ATP5PF: variants seen among roughly 807,000 people sequenced by gnomAD.
ATP5PF encodes ATP synthase peripheral stalk subunit F6, mitochondrial.
ATP5PF carries 7 observed loss-of-function variants against 12.0 expected under a neutral mutation model. The observed-to-expected ratio is 0.58, with a 90% confidence interval of 0.33 to 1.10. The LOEUF (loss-of-function observed/expected upper bound fraction) is 1.10, where lower values mean the gene tolerates loss of function less well. Ranked by LOEUF, ATP5PF falls within the 50% of genes least tolerant of loss-of-function variation. ATP5PF has a pLI of 0.03. For missense variants in ATP5PF, 120 were observed against 127.7 expected (o/e 0.94, Z 0.29); for synonymous variants, 41 against 45.4 (o/e 0.90, Z 0.39).
chr21:25,732,733 C>T (rs533686973), intron 1 of ATP5PF, among the ~76,000 whole-genome samples: 1 of 151,612 alleles, frequency 6.6e-6, no homozygotes, highest in South Asian at 2.1e-4. Context: ...TGTTGTAATC[C>T]CAGCACTTTG....
In ATP5PF at chr21:25,725,364, GA is replaced by G. The variant is rs755301218; in HGVS notation, c.165-15del. 2 of 1,560,302 alleles carry G rather than the reference GA, an allele frequency of 1.3e-6. No individual in the cohort carries two copies. The highest frequency in any genetic ancestry group is 1.7e-6 in the Non-Finnish European group (2 of 1,159,198). ...CCTCCAGATGTCCTGTTAAGTAAAT[GA>G]GCAAACAAAAATTAATTTTGTGTAC... On this transcript the variant is annotated splice_polypyrimidine_tract_variant and intron_variant, in intron 2 of 3. Coordinates refer to ENST00000284971, the MANE Select transcript of ATP5PF (RefSeq NM_001003703.2).
chr21:25,730,770 A>AAAAAAAAAAAAAAAAAT, intron 1 of ATP5PF, among the ~76,000 whole-genome samples: 1 of 141,768 alleles, frequency 7.1e-6, no homozygotes, highest in African/African-American at 2.7e-5. Context: ...AAAAAAAAAA[A>AAAAAAAAAAAAAAAAAT]AAAAAGACTT....
chr21:25,732,937 G>C (rs60361835), intron 1 of ATP5PF, among the ~76,000 whole-genome samples: 13,314 of 127,928 alleles, frequency 0.1, 774 homozygotes, highest in East Asian at 0.33. Context: ...AGCCGAGATC[G>C]CGCCACTGCA....
chr21:25,730,108 T>C lies in ATP5PF; in HGVS notation c.-7-307A>G, dbSNP rs1288909967. On this transcript the variant is annotated intron_variant, in intron 1 of 3. Coordinates refer to ENST00000284971, the MANE Select transcript of ATP5PF (RefSeq NM_001003703.2). ...CTTAGTCATGGATCAGAGAAAACAG[T>C]AGAGGTAGACTGTTGCAACACTGTC... Among the ~76,000 whole-genome samples, 8 of 152,244 alleles carry C rather than the reference T, an allele frequency of 5.3e-5. No individual in the cohort carries two copies. The East Asian group carries it at 1.4e-3, about 26-fold the overall frequency.
In ATP5PF at chr21:25,725,741, T is replaced by C. The variant is rs113572523; in HGVS notation, c.165-391A>G. Among the ~76,000 whole-genome samples, 21 of 152,220 alleles carry C rather than the reference T, an allele frequency of 1.4e-4. No homozygotes were observed. The East Asian group carries it at 3.1e-3, about 22-fold the overall frequency. ...GGCGTGAGCCACCACACCCGGCCAA[T>C]AGACCTTTTTAAAGCATTCATGTAG... On this transcript the variant is annotated intron_variant, in intron 2 of 3. Transcript: ENST00000284971.
intron 1 of ATP5PF, among the ~76,000 whole-genome samples, chr21:25,734,132 A>T (rs1454015787): frequency 2.6e-5 from 4 of 152,246 alleles, no homozygotes; most frequent in Admixed American, 6.5e-5. Flanking sequence ...ACTAAAACGC[A>T]GAAGATAGTC....
At chr21:25,724,777 T>A in intron 3 of ATP5PF, 100 bp from the exon 4 acceptor site, 5 of 1,187,350 alleles carry the variant, frequency 4.2e-6, no homozygotes, top group Non-Finnish European at 6.0e-6. Flanking sequence ...CTGATTTTTT[T>A]AGTAAACACT....
intron 2 of ATP5PF, among the ~76,000 whole-genome samples, chr21:25,727,017 CTCTG>C (rs753847280): frequency 5.6e-4 from 86 of 152,316 alleles, no homozygotes; most frequent in Non-Finnish European, 1.1e-3. Flanking sequence ...TAGAAACGCT[CTCTG>C]TCTGTGCTGT....
At chr21:25,724,748 G>A in intron 3 of ATP5PF, 71 bp from the exon 4 acceptor site, 4 of 1,448,148 alleles carry the variant, frequency 2.8e-6, no homozygotes, top group Non-Finnish European at 3.8e-6. Flanking sequence ...GAATGCTCAA[G>A]ATTTAACTCA....
chr21:25,735,159 C>T (rs573839876), upstream of ATP5PF: 32 of 639,074 alleles, frequency 5.0e-5, no homozygotes, highest in South Asian at 8.9e-5. Flanking sequence ...TGAAACCTTG[C>T]TCTGTACGCA....
chr21:25,735,408 G>C (rs911227378), upstream of ATP5PF: 8 of 178,852 alleles, frequency 4.5e-5, no homozygotes, highest in African/African-American at 1.7e-4. Flanking sequence ...CGGGAGGGGG[G>C]TTGGGGCTTC....
intron 1 of ATP5PF, among the ~76,000 whole-genome samples, chr21:25,734,143 A>G (rs1432378158): frequency 1.3e-5 from 2 of 152,238 alleles, no homozygotes. Flanking sequence ...GAAGATAGTC[A>G]TTACACAAAT....
chr21:25,734,786 G>A (rs1464466714), intron 1 of ATP5PF, 67 bp downstream of exon 1: 2 of 1,450,168 alleles, frequency 1.4e-6, no homozygotes, highest in Non-Finnish European at 1.8e-6. Context: ...GGCAGCCCAG[G>A]CCTCGTGAAA....
intron 1 of ATP5PF, 68 bp downstream of exon 1, chr21:25,734,785 G>C: frequency 6.9e-7 from 1 of 1,449,778 alleles, no homozygotes; most frequent in Non-Finnish European, 9.2e-7. Flanking sequence ...AGGCAGCCCA[G>C]GCCTCGTGAA....
chr21:25,735,048 C>G (rs538727472), upstream of ATP5PF: 1 of 1,329,572 alleles, frequency 7.5e-7, no homozygotes, highest in Non-Finnish European at 1.0e-6. Flanking sequence ...AGACAGAAGC[C>G]AAACAGGAGG....
intron 1 of ATP5PF, chr21:25,734,639 A>C: frequency 2.3e-6 from 1 of 439,258 alleles, no homozygotes. Context: ...ATTTGCCCTC[A>C]GAGAGGGTAT....
chr21:25,731,039 C>T (rs947850720), intron 1 of ATP5PF, among the ~76,000 whole-genome samples: 2 of 151,996 alleles, frequency 1.3e-5, no homozygotes, highest in African/African-American at 2.4e-5. Context: ...GTCAGAGGTT[C>T]GAGACCAGCC....
intron 1 of ATP5PF, 127 bp from the exon 2 acceptor site, chr21:25,729,928 G>T: frequency 9.3e-7 from 1 of 1,079,836 alleles, no homozygotes; most frequent in Non-Finnish European, 1.3e-6. Flanking sequence ...GTCTATACCT[G>T]ACCACAGTTC....
Position 25,729,791 on chromosome 21 carries a change from T to A in ATP5PF, c.4A>T (p.Ile2Phe). The change falls in exon 2 of 4, where the codon ATT (isoleucine) becomes TTT (phenylalanine). Residue 2 changes from isoleucine (I) to phenylalanine (F), a missense_variant. Physicochemically the swap from Ile to Phe is conservative, Grantham distance 21. Transcript: ENST00000284971. ...GAGAACCTGAAGAGCCTCTGAAGAA[T>A]CATGCTGATTCTGTTACAGAAAACA... M[I>F]LQRLFRFSSV... 6.2e-7 allele frequency: 1 copy of A among 1,612,104 alleles called. No individual in the cohort carries two copies. The highest frequency in any genetic ancestry group is 1.7e-4 in the Middle Eastern group (1 of 5,936).
Sources: gnomAD v4.1 joint callset for allele counts (sites outside exome capture counted in the v4.1 genomes callset) on GRCh38, gnomAD v4.1.1 for gene constraint, MANE v1.5 for transcripts, NCBI Gene and HGNC (gene_info 2026-07-23, HGNC 2026-07-21) for gene names.